ANXA13: variants seen among roughly 807,000 people sequenced by gnomAD.
ANXA13 encodes the protein annexin A13.
ANXA13 carries 36 observed loss-of-function variants against 46.6 expected under a neutral mutation model. The observed-to-expected ratio is 0.77, with a 90% CI of 0.59 to 1.02. The LOEUF (loss-of-function observed/expected upper bound fraction) is 1.02, where lower values mean the gene tolerates loss of function less well. Among genes scored for constraint, ANXA13 ranks in the 50% least tolerant of loss-of-function variants. ANXA13 has a pLI of 0.00. For synonymous variants in ANXA13, 163 were observed against 152.9 expected, an observed-to-expected ratio of 1.07 and a Z score of -0.49; for missense variants, 417 against 396.5, an observed-to-expected ratio of 1.05 and a Z score of -0.44.
At chr8:123,720,746 T>G (rs1274121684) in intron 1 of ANXA13, among the ~76,000 whole-genome samples, 1 of 148,456 alleles carries the variant, frequency 6.7e-6, no homozygotes, top group African/African-American at 2.5e-5. Flanking sequence ...AAATAATACT[T>G]TATATTTAAA....
intron 2 of ANXA13, among the ~76,000 whole-genome samples, chr8:123,705,382 T>C (rs1247163036): frequency 2.6e-5 from 4 of 152,236 alleles, no homozygotes; most frequent in African/African-American, 9.6e-5. Flanking sequence ...GAATCCCTTA[T>C]GGTGGCATCG....
At position 123,688,238 on chromosome 8, in the gene ANXA13, A is replaced by G. The variant is rs568824374; in HGVS notation, c.718+633T>C. Among the ~76,000 whole-genome samples the G allele has an allele frequency of 4.6e-5, 7 of 152,264 alleles. No individual in the cohort carries two copies. In the East Asian group the frequency reaches 1.4e-3, roughly 29 times the overall value. On this transcript the variant is annotated intron_variant, in intron 9 of 10. Transcript: ENST00000419625. ...CCTCATACGGTTCTCATGGTAGTGA[A>G]TAAGTTTCACGAGATTTGATGATTT...
intron 1 of ANXA13, among the ~76,000 whole-genome samples, chr8:123,734,613 C>A (rs1482906437): frequency 1.3e-5 from 2 of 151,534 alleles, no homozygotes; most frequent in African/African-American, 4.9e-5. Context: ...ATGATAGTAC[C>A]TTGAAAAATG....
chr8:123,683,610 C>T (rs1172393106), intron 10 of ANXA13, among the ~76,000 whole-genome samples: 7 of 138,366 alleles, frequency 5.1e-5, no homozygotes, highest in South Asian at 2.3e-4. Context: ...TTTTTGAGAC[C>T]GAGTCTCGCT....
In ANXA13 at chr8:123,709,248, C is replaced by G. The variant is rs545859628; in HGVS notation, c.91+3430G>C. ...TCTGCGTTGCCTGCTTTATCCCTCT[C>G]CATGTGAGGAGACATTGTTATCCTC... is the stretch of plus-strand genomic sequence containing the variant. On this transcript the variant is annotated intron_variant, in intron 2 of 10. Coordinates refer to ENST00000419625, the MANE Select transcript of ANXA13 (RefSeq NM_004306.4). 5.3e-5 allele frequency among the ~76,000 whole-genome samples: 8 copies of G among 152,308 alleles called. No homozygotes were observed. The South Asian group carries it at 1.7e-3, about 32-fold the overall frequency.
intron 8 of ANXA13, among the ~76,000 whole-genome samples, chr8:123,692,612 T>TG (rs1218796648): frequency 6.6e-6 from 1 of 152,218 alleles, no homozygotes; most frequent in East Asian, 1.9e-4. Flanking sequence ...GTCTTGAGAA[T>TG]GGTGGGCACT....
rs557519666 is a variant in ANXA13, at chr8:123,703,668, A to G, written c.92-932T>C. Among the ~76,000 whole-genome samples, 9 of 152,320 alleles carry G rather than the reference A, an allele frequency of 5.9e-5. No individual in the cohort carries two copies. The East Asian group carries it at 1.7e-3, about 29-fold the overall frequency. On this transcript the variant is annotated intron_variant, in intron 2 of 10. Coordinates refer to ENST00000419625, the MANE Select transcript of ANXA13 (RefSeq NM_004306.4). ...TGTTAATCTCAGGAGAGAAGTCTTG[A>G]TTGAAACCATGAAGGGAGGTTGCCC...
chr8:123,696,217 C>A (rs1056824529), intron 4 of ANXA13, among the ~76,000 whole-genome samples: 9 of 151,988 alleles, frequency 5.9e-5, no homozygotes, highest in African/African-American at 2.2e-4. Flanking sequence ...TAGTTTTTCT[C>A]TCAATAATAG....
chr8:123,697,321 A>C (rs1813358721), intron 4 of ANXA13, among the ~76,000 whole-genome samples: 1 of 152,102 alleles, frequency 6.6e-6, no homozygotes, highest in Admixed American at 6.5e-5. Context: ...GTGGATGCTG[A>C]GTGGGGGAAG....
At chr8:123,697,643 C>A (rs1290414986) in intron 4 of ANXA13, among the ~76,000 whole-genome samples, 1 of 152,186 alleles carries the variant, frequency 6.6e-6, no homozygotes. Context: ...TGCTGAGAGG[C>A]CTCAAGAATG....
At position 123,737,391 on chromosome 8, in the gene ANXA13, G is replaced by T; in HGVS notation, c.-57C>A. On this transcript the variant is annotated 5_prime_UTR_variant, in exon 1 of 11. In the 5' UTR this introduces an upstream ATG that the reference lacks. Transcript: ENST00000419625. ...TCATCAAGAGATCAGTCCTCCTACA[G>T]GCAAAGTTTACAACAGTTTTCCCCC... The T allele has an allele frequency of 1.4e-6, 2 of 1,448,280 alleles. No individual in the cohort carries two copies. Among genetic ancestry groups the T allele is most frequent in the South Asian group, 1.2e-5 (1 of 84,572 alleles). 89.7% of individuals were successfully genotyped at this position (1,448,280 alleles called of 1,614,324 possible).
At chr8:123,708,009 G>A (rs571436894) in intron 2 of ANXA13, among the ~76,000 whole-genome samples, 1 of 152,264 alleles carries the variant, frequency 6.6e-6, no homozygotes, top group Admixed American at 6.5e-5. Flanking sequence ...AGTTCTTTGA[G>A]TCCAGGTCTC....
rs901769270 is a variant in ANXA13 at position 123,693,864 on chromosome 8, A to C, written c.472-85T>G. On this transcript the variant is annotated intron_variant, in intron 6 of 10. Coordinates refer to ENST00000419625, the MANE Select transcript of ANXA13 (RefSeq NM_004306.4). ...TAACAAAAAAAACAAAGTCCTGGAG[A>C]AAGAGGTGAATTCTTTCTCAGCTCA... 11 of 1,252,278 alleles carry C rather than the reference A, an allele frequency of 8.8e-6. No homozygotes were observed. In the African/African-American group the frequency reaches 1.2e-4, roughly 13 times the overall value. The allele number at this position is 1,252,278 out of a possible 1,614,324, so 77.6% of individuals were successfully genotyped here.
chr8:123,708,830 G>A (rs926635692), intron 2 of ANXA13, among the ~76,000 whole-genome samples: 1 of 152,086 alleles, frequency 6.6e-6, no homozygotes, highest in Non-Finnish European at 1.5e-5. Context: ...GCTTCTGCCG[G>A]GAACCCTTAG....
At chr8:123,701,979 A>G (rs1455113054) in intron 3 of ANXA13, among the ~76,000 whole-genome samples, 2 of 152,212 alleles carry the variant, frequency 1.3e-5, no homozygotes, top group Non-Finnish European at 2.9e-5. Context: ...ATCTTTCTAT[A>G]TATCTATTTA....
chr8:123,725,745 C>A (rs1813971152), intron 1 of ANXA13, among the ~76,000 whole-genome samples: 1 of 152,194 alleles, frequency 6.6e-6, no homozygotes. Context: ...GGTATTTCAT[C>A]ATGTAGTTAT....
At chr8:123,703,341 G>T (rs1813480929) in intron 2 of ANXA13, among the ~76,000 whole-genome samples, 1 of 152,076 alleles carries the variant, frequency 6.6e-6, no homozygotes, top group Non-Finnish European at 1.5e-5. Context: ...AGTGGCTGGG[G>T]GTGGGTGGGC....
chr8:123,715,395 C>T (rs1484669915), intron 1 of ANXA13, among the ~76,000 whole-genome samples: 7 of 152,158 alleles, frequency 4.6e-5, no homozygotes, highest in East Asian at 1.9e-4. Flanking sequence ...GCTTTTCATC[C>T]GAAGTATTAT....
intron 10 of ANXA13, among the ~76,000 whole-genome samples, chr8:123,682,696 C>T (rs1021553000): frequency 1.3e-5 from 2 of 152,104 alleles, no homozygotes; most frequent in South Asian, 4.1e-4. Flanking sequence ...TGGCTCCTTG[C>T]CCCGTGCTGG....
Sources: allele counts gnomAD v4.1 joint callset (sites outside exome capture counted in the v4.1 genomes callset), GRCh38; gene constraint gnomAD v4.1.1; transcripts MANE v1.5; gene names NCBI Gene and HGNC (gene_info 2026-07-23, HGNC 2026-07-21).